HOOK3: variants seen among roughly 807,000 people sequenced by gnomAD.
HOOK3 encodes protein Hook homolog 3.
A neutral mutation model predicts 116.3 loss-of-function variants in HOOK3; 24 were observed. The observed-to-expected ratio is 0.21, with a 90% CI of 0.15 to 0.29. HOOK3 has a LOEUF of 0.29. Among genes scored for constraint, HOOK3 ranks in the 10% least tolerant of loss-of-function variants. The pLI is 1.00. For missense variants in HOOK3, 632 were observed against 830.2 expected (o/e 0.76, Z 2.93); for synonymous variants, 275 against 283.0 (o/e 0.97, Z 0.28).
chr8:43,017,198 G>A (rs927023317), intron 21 of HOOK3, among the ~76,000 whole-genome samples: 3 of 152,102 alleles, frequency 2.0e-5, no homozygotes, highest in Non-Finnish European at 4.4e-5. Context: ...TTCTGCTTAT[G>A]CCCAGCAGTT....
intron 4 of HOOK3, among the ~76,000 whole-genome samples, chr8:42,936,156 T>C (rs927449660): frequency 1.3e-5 from 2 of 152,234 alleles, no homozygotes; most frequent in African/African-American, 4.8e-5. Context: ...TTAGTAGCAG[T>C]TGCAAATGGG....
At chr8:42,949,044 G>A (rs1368668281) in intron 5 of HOOK3, among the ~76,000 whole-genome samples, 1 of 152,176 alleles carries the variant, frequency 6.6e-6, no homozygotes, top group Non-Finnish European at 1.5e-5. Flanking sequence ...TTTAAATCCT[G>A]TGTTGGGTAG....
At chr8:43,016,411 CG>C (rs1239195377) in intron 21 of HOOK3, among the ~76,000 whole-genome samples, 15 of 152,176 alleles carry the variant, frequency 9.9e-5, no homozygotes, top group African/African-American at 2.9e-4. Flanking sequence ...TGAGCCACCG[CG>C]CCCGGCCAGA....
chr8:42,988,937 C>G (rs968570085), intron 15 of HOOK3, among the ~76,000 whole-genome samples: 3 of 152,198 alleles, frequency 2.0e-5, no homozygotes, highest in Non-Finnish European at 4.4e-5. Context: ...TACCTTGACT[C>G]TAACTTAATA....
At chr8:42,925,487 A>G (rs1347715903) in intron 2 of HOOK3, 70 bp from the exon 3 acceptor site, 1 of 975,900 alleles carries the variant, frequency 1.0e-6, no homozygotes, top group Admixed American at 2.3e-5. Context: ...ATATGGGATG[A>G]GATTCAATTT....
At chr8:42,926,298 GT>G in intron 3 of HOOK3, among the ~76,000 whole-genome samples, 1 of 152,002 alleles carries the variant, frequency 6.6e-6, no homozygotes, top group Middle Eastern at 3.4e-3. Flanking sequence ...TTTGTTTTTT[GT>G]TTTTTGAGAT....
At chr8:42,921,658 C>T (rs1054644002) in intron 2 of HOOK3, among the ~76,000 whole-genome samples, 2 of 152,068 alleles carry the variant, frequency 1.3e-5, no homozygotes, top group African/African-American at 4.8e-5. Context: ...TATAATTGGA[C>T]CAGGAATGAA....
At chr8:42,927,255 T>TG in intron 3 of HOOK3, among the ~76,000 whole-genome samples, 4 of 149,696 alleles carry the variant, frequency 2.7e-5, no homozygotes, top group African/African-American at 5.0e-5. Flanking sequence ...GTTTTTTTTT[T>TG]TTTTTGGTTT....
chr8:42,959,610 T>G (rs1808500245), intron 8 of HOOK3, among the ~76,000 whole-genome samples: 1 of 150,104 alleles, frequency 6.7e-6, no homozygotes, highest in Non-Finnish European at 1.5e-5. Context: ...TCCCAGCTAC[T>G]TGGGAGGCTG....
intron 3 of HOOK3, among the ~76,000 whole-genome samples, chr8:42,927,347 C>T (rs1412391793): frequency 6.6e-6 from 1 of 150,920 alleles, no homozygotes; most frequent in African/African-American, 2.4e-5. Context: ...ACCTCCGCCT[C>T]CCGAGTTCAA....
At position 42,925,548 on chromosome 8, in the gene HOOK3, A is replaced by G. The variant is rs755118749; in HGVS notation, c.144-9A>G. The G allele has an allele frequency of 3.2e-6, 5 of 1,573,620 alleles. No individual in the cohort carries two copies. The highest frequency in any genetic ancestry group is 3.5e-6 in the Non-Finnish European group (4 of 1,157,468). ...GATTTTAATATGTAAGCTTTTTCTT[A>G]TTTTGCAGAGATCCTGCATATTTTG... On this transcript the variant is annotated splice_polypyrimidine_tract_variant and intron_variant, in intron 2 of 21. Transcript: ENST00000307602.
rs375413558 is a variant in HOOK3, at chr8:42,949,810, G to A, written c.401-578G>A. Among the ~76,000 whole-genome samples the A allele has an allele frequency of 1.8e-4, 28 of 152,114 alleles. No homozygotes were observed. In the East Asian group the frequency reaches 2.1e-3, roughly 12 times the overall value. On this transcript the variant is annotated intron_variant, in intron 5 of 21. Transcript: ENST00000307602. ...CGCACGCCTGTAGTCCCAGCTACTC[G>A]GGAGGCTGAGGCAGGAGAGTGGCGT...
intron 4 of HOOK3, among the ~76,000 whole-genome samples, chr8:42,930,993 T>G (rs1430692080): frequency 6.6e-6 from 1 of 152,242 alleles, no homozygotes; most frequent in Non-Finnish European, 1.5e-5. Context: ...GGTGATCACA[T>G]CAGTCTCCTC....
chr8:43,027,825 A>G lies in HOOK3; in HGVS notation c.*9327A>G. The G allele has an allele frequency of 4.9e-6, 1 of 204,664 alleles. No individual in the cohort carries two copies. Among genetic ancestry groups the G allele is most frequent in the Non-Finnish European group, 1.0e-5 (1 of 99,692 alleles). 12.7% of individuals were successfully genotyped at this position (204,664 alleles called of 1,614,324 possible). On this transcript the variant is annotated 3_prime_UTR_variant, in exon 22 of 22. Transcript: ENST00000307602. ...GCCACATTTCAAGTGTTCCACAGTC[A>G]CATGTGGATAGTAGTTACCTATCAG...
At chr8:42,971,039 G>A (rs558776033) in intron 11 of HOOK3, among the ~76,000 whole-genome samples, 4 of 151,752 alleles carry the variant, frequency 2.6e-5, no homozygotes, top group African/African-American at 9.7e-5. Context: ...CTCCTGCCTC[G>A]GCCTCCCAAA....
At chr8:43,006,138 A>T (rs1426683417) in intron 17 of HOOK3, among the ~76,000 whole-genome samples, 1 of 134,792 alleles carries the variant, frequency 7.4e-6, no homozygotes, top group African/African-American at 2.8e-5. Context: ...CTCCTGCCTC[A>T]GCCTCCCGAG....
rs1065414 is a variant in HOOK3 at position 43,020,065 on chromosome 8, C to A, written c.*1567C>A. On this transcript the variant is annotated 3_prime_UTR_variant, in exon 22 of 22. Coordinates refer to ENST00000307602, the MANE Select transcript of HOOK3 (RefSeq NM_032410.4). ...CAAGTGTTTGATTTTTAAATTCTTTCTTTCTTTTTAATAAGAAAGATGACC... is the reference window on the plus strand; with the variant it reads ...CAAGTGTTTGATTTTTAAATTCTTTATTTCTTTTTAATAAGAAAGATGACC... 1 of 197,642 alleles carries A rather than the reference C, an allele frequency of 5.1e-6. No individual in the cohort carries two copies. The highest frequency in any genetic ancestry group is 1.0e-5 in the Non-Finnish European group (1 of 95,636). The allele number at this position is 197,642 out of a possible 1,614,324, so 12.2% of individuals were successfully genotyped here.
At chr8:42,902,565 C>A (rs929417934) in intron 1 of HOOK3, among the ~76,000 whole-genome samples, 3 of 152,122 alleles carry the variant, frequency 2.0e-5, no homozygotes, top group Admixed American at 6.5e-5. Flanking sequence ...AGCCACCACG[C>A]CCTGCCAAAA....
intron 13 of HOOK3, among the ~76,000 whole-genome samples, chr8:42,976,596 G>A (rs996199031): frequency 6.6e-6 from 1 of 152,218 alleles, no homozygotes; most frequent in East Asian, 1.9e-4. Context: ...CATCAAGTTT[G>A]TATAAGAATG....
Sources: allele counts gnomAD v4.1 joint callset (sites outside exome capture counted in the v4.1 genomes callset), GRCh38; gene constraint gnomAD v4.1.1; transcripts MANE v1.5; gene names NCBI Gene and HGNC (gene_info 2026-07-23, HGNC 2026-07-21).